The following SDHC variants were observed in gnomAD, a reference collection of about 807,000 sequenced individuals.
SDHC encodes succinate dehydrogenase cytochrome b560 subunit, mitochondrial.
SDHC carries 11 observed loss-of-function variants against 22.6 expected under a neutral mutation model. That is an observed-to-expected ratio of 0.49 (90% CI 0.31 to 0.81). The LOEUF (loss-of-function observed/expected upper bound fraction) is 0.81. Ranked by LOEUF, SDHC falls within the 30% of genes least tolerant of loss-of-function variation. The pLI, the probability that SDHC is intolerant of heterozygous loss-of-function variation, is 0.05. For synonymous variants in SDHC, 80 were observed against 77.8 expected (o/e 1.03, Z -0.15); for missense variants, 160 against 212.0 (o/e 0.75, Z 1.52).
At chr1:161,344,153 G>C (rs1164260242) in intron 4 of SDHC, among the ~76,000 whole-genome samples, 1 of 152,206 alleles carries the variant, frequency 6.6e-6, no homozygotes, top group Non-Finnish European at 1.5e-5. Flanking sequence ...AGCCGGGCAT[G>C]GTGGCGGGCA....
intron 1 of SDHC, among the ~76,000 whole-genome samples, chr1:161,322,308 A>C (rs746516087): frequency 1.3e-5 from 2 of 152,232 alleles, no homozygotes; most frequent in African/African-American, 2.4e-5. Context: ...TTTTGACTTG[A>C]AAAGCAATTC....
At chr1:161,360,258 T>C (rs1672456789) in intron 5 of SDHC, among the ~76,000 whole-genome samples, 2 of 152,018 alleles carry the variant, frequency 1.3e-5, no homozygotes, top group African/African-American at 4.8e-5. Flanking sequence ...AATTAGTGTT[T>C]TGTTAAATGT....
At chr1:161,353,508 A>G (rs1672161254) in intron 4 of SDHC, among the ~76,000 whole-genome samples, 1 of 152,162 alleles carries the variant, frequency 6.6e-6, no homozygotes, top group African/African-American at 2.4e-5. Flanking sequence ...CTCTTGAGTC[A>G]TATCTTCCTC....
At position 161,314,412 on chromosome 1, in the gene SDHC, G is replaced by A. The variant is rs748243732; in HGVS notation, c.7G>A (p.Ala3Thr). The change falls in exon 1 of 6, where the codon GCG becomes ACG. Residue 3 changes from alanine (A) to threonine (T), a missense_variant. Physicochemically the swap from Ala to Thr is moderately conservative, Grantham distance 58. Transcript: ENST00000367975. MA[A>T]LLLRHVGRHC... ...GTCCAGACCGGAACCCAAGATGGCT[G>A]CGCTGTTGCTGAGGTGACTTCAGTG... 8.7e-6 allele frequency: 14 copies of A among 1,613,290 alleles called. No individual in the cohort carries two copies. Among genetic ancestry groups the A allele is most frequent in the African/African-American group, 2.7e-5 (2 of 74,400 alleles).
chr1:161,331,358 C>G (rs1671265217), intron 3 of SDHC, among the ~76,000 whole-genome samples: 1 of 151,968 alleles, frequency 6.6e-6, no homozygotes, highest in African/African-American at 2.4e-5. Flanking sequence ...ACCTCCGCCT[C>G]CCAGGCTTAA....
chr1:161,334,216 A>G (rs930520184), intron 3 of SDHC, among the ~76,000 whole-genome samples: 7 of 152,118 alleles, frequency 4.6e-5, no homozygotes, highest in Non-Finnish European at 1.5e-5. Context: ...TCCTTCCTCC[A>G]TCTTCAGAAC....
chr1:161,317,837 T>G (rs1431107630), intron 1 of SDHC, among the ~76,000 whole-genome samples: 3 of 151,028 alleles, frequency 2.0e-5, no homozygotes, highest in Non-Finnish European at 3.0e-5. Context: ...GAGCCAGGCA[T>G]AAGCCACCAC....
intron 4 of SDHC, among the ~76,000 whole-genome samples, chr1:161,351,334 A>C (rs1672091026): frequency 6.6e-6 from 1 of 152,178 alleles, no homozygotes; most frequent in Non-Finnish European, 1.5e-5. Context: ...ATGCACCAAG[A>C]GTTCTTGTCA....
chr1:161,356,523 A>G (rs112737166), intron 4 of SDHC, among the ~76,000 whole-genome samples, 154 bp from the exon 5 acceptor site: 12,723 of 152,200 alleles, frequency 0.084, 662 homozygotes, highest in East Asian at 0.21. Context: ...TGGGTGACAG[A>G]ATGAGACTCT....
chr1:161,329,450 G>T (rs1373752158), intron 3 of SDHC, among the ~76,000 whole-genome samples: 1 of 152,100 alleles, frequency 6.6e-6, no homozygotes, highest in East Asian at 1.9e-4. Context: ...TTGTGCCTCA[G>T]CCTCCTGAGT....
At chr1:161,332,966 A>G (rs763051108) in intron 3 of SDHC, among the ~76,000 whole-genome samples, 5 of 152,166 alleles carry the variant, frequency 3.3e-5, no homozygotes, top group Non-Finnish European at 7.3e-5. Context: ...CCAGAAAGAA[A>G]CACTACATTT....
chr1:161,324,139 GTTGT>G (rs1466275197), intron 2 of SDHC, among the ~76,000 whole-genome samples: 2 of 152,256 alleles, frequency 1.3e-5, no homozygotes, highest in Admixed American at 6.5e-5. Flanking sequence ...GTGTATGTGT[GTTGT>G]TTGTTTGTTT....
At chr1:161,338,414 A>G (rs1312612945) in intron 3 of SDHC, among the ~76,000 whole-genome samples, 2 of 152,156 alleles carry the variant, frequency 1.3e-5, no homozygotes, top group African/African-American at 4.8e-5. Flanking sequence ...TATGCTTAGT[A>G]TTCTTTGTCT....
intron 3 of SDHC, among the ~76,000 whole-genome samples, chr1:161,332,821 A>G (rs1671329601): frequency 6.6e-6 from 1 of 151,890 alleles, no homozygotes; most frequent in Non-Finnish European, 1.5e-5. Context: ...TAGTAGAGAC[A>G]GGGGTTTCAC....
chr1:161,334,863 A>G (rs568771139), intron 3 of SDHC, among the ~76,000 whole-genome samples: 1 of 152,308 alleles, frequency 6.6e-6, no homozygotes, highest in South Asian at 2.1e-4. Flanking sequence ...TATTCTGCCT[A>G]CTACAACTTC....
chr1:161,356,394 C>G (rs1672273022), intron 4 of SDHC, among the ~76,000 whole-genome samples: 1 of 152,040 alleles, frequency 6.6e-6, no homozygotes, highest in African/African-American at 2.4e-5. Flanking sequence ...CAAAAATTAG[C>G]TGGGCGTTGT....
At chr1:161,361,584 A>AAT (rs1375671137) in intron 5 of SDHC, among the ~76,000 whole-genome samples, 1 of 152,246 alleles carries the variant, frequency 6.6e-6, no homozygotes, top group Non-Finnish European at 1.5e-5. Flanking sequence ...TCACGCCTGT[A>AAT]ATCCCAGCAT....
intron 4 of SDHC, among the ~76,000 whole-genome samples, chr1:161,354,652 G>T (rs1672203986): frequency 7.4e-6 from 1 of 135,198 alleles, no homozygotes; most frequent in Non-Finnish European, 1.6e-5. Context: ...TACAGATGAT[G>T]TCTTATTTCT....
At chr1:161,329,537 G>A (rs1048418391) in intron 3 of SDHC, among the ~76,000 whole-genome samples, 1 of 151,422 alleles carries the variant, frequency 6.6e-6, no homozygotes, top group East Asian at 2.0e-4. Context: ...TTGCCATGTT[G>A]TCCAGGCTGG....
Sources: gnomAD v4.1 joint callset for allele counts (sites outside exome capture counted in the v4.1 genomes callset) on GRCh38, gnomAD v4.1.1 for gene constraint, MANE v1.5 for transcripts, NCBI Gene and HGNC (gene_info 2026-07-23, HGNC 2026-07-21) for gene names.